PLEKHG7: variants seen among roughly 807,000 people sequenced by gnomAD.
PLEKHG7 encodes the protein pleckstrin homology domain-containing family G member 7.
A neutral mutation model predicts 85.2 loss-of-function variants in PLEKHG7; 77 were observed. That is an observed-to-expected ratio of 0.90 (90% CI 0.75 to 1.09). The LOEUF is 1.09. PLEKHG7 is among the 50% of genes least tolerant of loss of function. The pLI is 0.00. For missense variants in PLEKHG7, 777 were observed against 804.3 expected, an observed-to-expected ratio of 0.97 and a Z score of 0.41; for synonymous variants, 301 against 302.4, an observed-to-expected ratio of 1.00 and a Z score of 0.05.
intron 5 of PLEKHG7, among the ~76,000 whole-genome samples, chr12:92,733,542 C>T (rs1015709468): frequency 2.6e-5 from 4 of 152,158 alleles, no homozygotes; most frequent in Non-Finnish European, 4.4e-5. Context: ...CATTTAGAGA[C>T]GTGCTTTGTC....
intron 8 of PLEKHG7, among the ~76,000 whole-genome samples, chr12:92,741,290 A>C (rs1872347520): frequency 6.6e-6 from 1 of 152,212 alleles, no homozygotes; most frequent in Non-Finnish European, 1.5e-5. Context: ...GTAAAGGAAG[A>C]GAGATAACAA....
intron 3 of PLEKHG7, among the ~76,000 whole-genome samples, chr12:92,719,643 G>A (rs1166061269): frequency 6.6e-6 from 1 of 152,164 alleles, no homozygotes; most frequent in Non-Finnish European, 1.5e-5. Context: ...AAGGGCAGTT[G>A]TACTTCCCAT....
chr12:92,749,898 T>TTTCA (rs1872638145), intron 10 of PLEKHG7, among the ~76,000 whole-genome samples: 3 of 143,530 alleles, frequency 2.1e-5, no homozygotes, highest in African/African-American at 5.1e-5. Flanking sequence ...TTTTATTTTA[T>TTTCA]TTTATTTCAT....
intron 4 of PLEKHG7, 48 bp from the exon 5 acceptor site, chr12:92,732,185 A>G: frequency 8.9e-7 from 1 of 1,127,094 alleles, no homozygotes; most frequent in Non-Finnish European, 1.1e-6. Context: ...ATCTGTCGCT[A>G]GTTACTCTAA....
chr12:92,749,007 C>G (rs1565794167), intron 10 of PLEKHG7, among the ~76,000 whole-genome samples: 1 of 152,180 alleles, frequency 6.6e-6, no homozygotes, highest in East Asian at 1.9e-4. Flanking sequence ...AGGCAACATG[C>G]TGAAAGATAT....
intron 3 of PLEKHG7, among the ~76,000 whole-genome samples, chr12:92,725,724 A>G (rs1445863328): frequency 2.0e-5 from 3 of 152,250 alleles, no homozygotes; most frequent in African/African-American, 7.2e-5. Flanking sequence ...TTAACCACTA[A>G]TTATAAATTC....
chr12:92,770,994 T>C lies in PLEKHG7; in HGVS notation c.*799T>C, dbSNP rs1873407625. 2 of 87,020 alleles carry C rather than the reference T, an allele frequency of 2.3e-5. No individual in the cohort carries two copies. The highest frequency in any genetic ancestry group is 1.4e-4 in the Admixed American group (1 of 7,170). 5.4% of individuals were successfully genotyped at this position (87,020 alleles called of 1,614,324 possible). Reference sequence around the variant, plus strand: ...CCATAAAAATACTTTCTGGTTTTGATTGGTGTGTGTGTGTGTGTGTGTGTG... The same window carrying C: ...CCATAAAAATACTTTCTGGTTTTGACTGGTGTGTGTGTGTGTGTGTGTGTG... On this transcript the variant is annotated 3_prime_UTR_variant, in exon 17 of 17. Coordinates refer to ENST00000344636, the MANE Select transcript of PLEKHG7 (RefSeq NM_001377329.1).
At chr12:92,722,710 C>T (rs1242167570) in intron 3 of PLEKHG7, among the ~76,000 whole-genome samples, 1 of 152,186 alleles carries the variant, frequency 6.6e-6, no homozygotes, top group African/African-American at 2.4e-5. Flanking sequence ...GGTGAGCACT[C>T]AAACTGTATT....
rs891563583 is a variant in PLEKHG7 at position 92,708,112 on chromosome 12, T to C, written c.530+440T>C. On this transcript the variant is annotated intron_variant, in intron 3 of 16. Coordinates refer to ENST00000344636, the MANE Select transcript of PLEKHG7 (RefSeq NM_001377329.1). ...CCTGTTATGACAGACTGTGCCCTTA[T>C]CCAGAATGAAGTAGACTGTGTCATT... 6.4e-5 allele frequency: 11 copies of C among 171,292 alleles called. No individual in the cohort carries two copies. In the East Asian group the frequency reaches 1.4e-3, roughly 22 times the overall value. 10.6% of individuals were successfully genotyped at this position (171,292 alleles called of 1,614,324 possible).
chr12:92,733,743 G>T lies in PLEKHG7; in HGVS notation c.699+1470G>T, dbSNP rs143851111. 4.6e-5 allele frequency among the ~76,000 whole-genome samples: 7 copies of T among 152,324 alleles called. No individual in the cohort carries two copies. The East Asian group carries it at 1.4e-3, about 29-fold the overall frequency. On this transcript the variant is annotated intron_variant, in intron 5 of 16. Coordinates refer to ENST00000344636, the MANE Select transcript of PLEKHG7 (RefSeq NM_001377329.1). ...GAGGGCTGCCTGAGAGATAGAATAT[G>T]CTTTCAGAAGGGAAGAACTTGGCCA... is the stretch of plus-strand genomic sequence containing the variant.
chr12:92,750,940 C>CGCAA (rs1451625115), intron 10 of PLEKHG7, among the ~76,000 whole-genome samples: 3 of 112,502 alleles, frequency 2.7e-5, no homozygotes. Context: ...CCTACCCTGT[C>CGCAA]TCAATAAATA....
intron 13 of PLEKHG7, 141 bp from the exon 14 acceptor site, chr12:92,761,609 AAG>A (rs1872998707): frequency 3.0e-6 from 3 of 994,362 alleles, no homozygotes; most frequent in South Asian, 2.0e-5. Context: ...AAGAAAGAAA[AAG>A]AAAGAAAGAA....
intron 3 of PLEKHG7, among the ~76,000 whole-genome samples, chr12:92,721,240 AC>A (rs1350357557): frequency 6.6e-6 from 1 of 152,126 alleles, no homozygotes; most frequent in Non-Finnish European, 1.5e-5. Flanking sequence ...CTACTGGGGG[AC>A]CCATTTCCAG....
Position 92,740,896 on chromosome 12 carries a change from T to G in PLEKHG7, c.983T>G (p.Leu328Arg). Residue 328 changes from leucine (L) to arginine (R), a missense_variant, in exon 8 of 17, where the codon CTC becomes CGC. By Grantham distance (102) the Leu-to-Arg change is moderately radical. This residue lies in a region of PLEKHG7 where 520 missense variants were observed against 544.0 expected (regional missense o/e 0.96). Transcript: ENST00000344636. ...TLRYLQTHEY[L>R]LDVDLWRLFA... is the part of the protein sequence containing the mutation. ...AGATATCTGCAAACTCATGAATATC[T>G]CCTAGATGTGGATTTATGGAGACTT... The G allele has an allele frequency of 6.2e-7, 1 of 1,612,130 alleles. No individual in the cohort carries two copies. The highest frequency in any genetic ancestry group is 8.5e-7 in the Non-Finnish European group (1 of 1,178,778).
At chr12:92,707,430 C>A (rs1017308571) in intron 2 of PLEKHG7, 7 of 1,431,120 alleles carry the variant, frequency 4.9e-6, no homozygotes, top group Non-Finnish European at 6.4e-6. Context: ...TACCCGAGAG[C>A]AATGGGGGCC....
intron 3 of PLEKHG7, among the ~76,000 whole-genome samples, chr12:92,723,372 A>G (rs985159563): frequency 4.6e-5 from 7 of 152,338 alleles, no homozygotes; most frequent in Middle Eastern, 6.8e-3. Context: ...TTCATGAGAG[A>G]AGATGGTTTC....
intron 3 of PLEKHG7, among the ~76,000 whole-genome samples, chr12:92,724,512 G>A (rs1010559511): frequency 6.6e-6 from 1 of 152,166 alleles, no homozygotes; most frequent in Non-Finnish European, 1.5e-5. Flanking sequence ...GTGTCAGTAA[G>A]GATAGCATTT....
At chr12:92,765,473 T>G (rs902908354) in intron 15 of PLEKHG7, among the ~76,000 whole-genome samples, 1 of 151,508 alleles carries the variant, frequency 6.6e-6, no homozygotes, top group African/African-American at 2.4e-5. Context: ...CTACTAAAAA[T>G]ACAAAATTAG....
intron 7 of PLEKHG7, 99 bp from the exon 8 acceptor site, chr12:92,740,754 A>G: frequency 2.7e-6 from 2 of 736,474 alleles, no homozygotes; most frequent in South Asian, 3.3e-5. Flanking sequence ...ATTGTTTTGT[A>G]AAGTTACACC....
Sources: allele counts gnomAD v4.1 joint callset (sites outside exome capture counted in the v4.1 genomes callset), GRCh38; gene constraint gnomAD v4.1.1; regional missense constraint gnomAD v4.1.1; transcripts MANE v1.5; gene names NCBI Gene and HGNC (gene_info 2026-07-23, HGNC 2026-07-21).